The following IRGC variants were observed in gnomAD, a reference collection of about 807,000 sequenced individuals.
IRGC encodes interferon-inducible GTPase 5.
IRGC carries 4 observed loss-of-function variants against 16.1 expected under a neutral mutation model. That is an observed-to-expected ratio of 0.25 (90% CI 0.12 to 0.57). IRGC has a LOEUF of 0.57. Among genes scored for constraint, IRGC ranks in the 20% least tolerant of loss-of-function variants. The pLI, the probability that IRGC is intolerant of heterozygous loss-of-function variation, is 0.92. For missense variants in IRGC, 570 were observed against 643.9 expected (o/e 0.89, Z 1.24); for synonymous variants, 307 against 299.5 (o/e 1.03, Z -0.26).
chr19:43,718,998 C>T lies in IRGC; in HGVS notation c.440C>T (p.Ala147Val), dbSNP rs1410904110. The stretch of plus-strand genomic sequence containing the variant: ...CTGGTCTCCCCCCGCCGCTGCGGGG[C>T]CGTCGAGACCCGCCTGGCCGCTGAG... ...FLLVSPRRCGAVETRLAAEIL... is the reference protein window; with the variant it reads ...FLLVSPRRCGVVETRLAAEIL... Residue 147 changes from alanine to valine, a missense_variant, in exon 2 of 2, where the codon GCC (alanine) becomes GTC (valine). Coordinates refer to ENST00000244314, the MANE Select transcript of IRGC (RefSeq NM_019612.4). The T allele has an allele frequency of 6.2e-7, 1 of 1,612,196 alleles. No homozygotes were observed. Among genetic ancestry groups the T allele is most frequent in the Admixed American group, 1.7e-5 (1 of 59,890 alleles).
chr19:43,716,369 C>T (rs28674603), intron 1 of IRGC, among the ~76,000 whole-genome samples: 29 of 148,070 alleles, frequency 2.0e-4, no homozygotes, highest in African/African-American at 7.1e-4. Context: ...TTTTTTTTTC[C>T]TTTTTTTTTT....
chr19:43,718,548 C>A lies in IRGC; in HGVS notation c.-11C>A. The A allele has an allele frequency of 6.4e-7, 1 of 1,556,800 alleles. No homozygotes were observed. The highest frequency in any genetic ancestry group is 1.2e-5 in the South Asian group (1 of 81,996). Reference sequence around the variant, plus strand: ...CCCTGTCCCCCGCCACCCTCTGAACCACTGGCCACCATGGCTACTTCAAAG... The same window carrying A: ...CCCTGTCCCCCGCCACCCTCTGAACAACTGGCCACCATGGCTACTTCAAAG... On this transcript the variant is annotated 5_prime_UTR_variant, in exon 2 of 2. Coordinates refer to ENST00000244314, the MANE Select transcript of IRGC (RefSeq NM_019612.4).
rs1488512471 is a variant in IRGC at position 43,718,878 on chromosome 19, T to C, written c.320T>C (p.Val107Ala). 6.2e-7 allele frequency: 1 copy of C among 1,613,226 alleles called. No individual in the cohort carries two copies. Among genetic ancestry groups the C allele is most frequent in the Non-Finnish European group, 8.5e-7 (1 of 1,179,974 alleles). ...TATCCACACCCACAGTTCCCTGACG[T>C]GACCCTCTGGGACCTGCCAGGAGCC... ...SPYPHPQFPD[V>A]TLWDLPGAGS... Residue 107 changes from valine (V) to alanine (A), a missense_variant, in exon 2 of 2, where the codon GTG becomes GCG. By Grantham distance (64) the Val-to-Ala change is moderately conservative. Transcript: ENST00000244314.
At chr19:43,716,494 C>T (rs573822128) in intron 1 of IRGC, among the ~76,000 whole-genome samples, 1 of 152,192 alleles carries the variant, frequency 6.6e-6, no homozygotes, top group East Asian at 1.9e-4. Flanking sequence ...TGCGCCACAA[C>T]ACCTGGCTAA....
Position 43,718,903 on chromosome 19 carries a change from C to T in IRGC, c.345C>T (p.Ala115=), listed in dbSNP as rs749293190. The change falls in exon 2 of 2, where the codon GCC becomes GCT. Residue 115 remains alanine (A), a synonymous_variant. Coordinates refer to ENST00000244314, the MANE Select transcript of IRGC (RefSeq NM_019612.4). ...TGACCCTCTGGGACCTGCCAGGAGC[C>T]GGCTCTCCAGGCTGCCCGGCTGACA... ...PDVTLWDLPG[A]GSPGCPADKY... is the part of the protein sequence containing the mutation. 11 of 1,613,076 alleles carry T rather than the reference C, an allele frequency of 6.8e-6. No homozygotes were observed. The highest frequency in any genetic ancestry group is 3.3e-5 in the Admixed American group (2 of 59,976).
chr19:43,716,414 GAGTGC>G (rs1968170801), intron 1 of IRGC, among the ~76,000 whole-genome samples: 1 of 151,956 alleles, frequency 6.6e-6, no homozygotes, highest in Non-Finnish European at 1.5e-5. Flanking sequence ...GCCCAGGCTG[GAGTGC>G]AGTGGTGCAA....
At chr19:43,717,232 G>T (rs1367411724) in intron 1 of IRGC, among the ~76,000 whole-genome samples, 2 of 152,206 alleles carry the variant, frequency 1.3e-5, no homozygotes, top group Non-Finnish European at 2.9e-5. Context: ...AACGGGGTTT[G>T]TGGGCATCAC....
chr19:43,719,984 A>G lies in IRGC; in HGVS notation c.*34A>G, dbSNP rs1968249571. 1 of 1,606,062 alleles carries G rather than the reference A, an allele frequency of 6.2e-7. No homozygotes were observed. Among genetic ancestry groups the G allele is most frequent in the Non-Finnish European group, 8.5e-7 (1 of 1,177,006 alleles). ...GCCCCGCCCCCCTGCCTCACCCACA[A>G]ACTAAGTCTTAACAAAATCCAAATT... On this transcript the variant is annotated 3_prime_UTR_variant, in exon 2 of 2. Transcript: ENST00000244314.
chr19:43,719,916 A>C lies in IRGC; in HGVS notation c.1358A>C (p.Asp453Ala), dbSNP rs146686366. The change falls in exon 2 of 2, where the codon GAC (aspartate) becomes GCC (alanine). Residue 453 changes from aspartate (D) to alanine (A), a missense_variant. By Grantham distance (126) the Asp-to-Ala change is moderately radical (BLOSUM62 -2). Transcript: ENST00000244314. Reference protein sequence around the residue: ...KLGLLLKYILDSWKKHDSEEK With the variant: ...KLGLLLKYILASWKKHDSEEK ...GGCCTCCTTCTTAAGTACATTCTGG[A>C]CAGCTGGAAGAAACACGACTCAGAA... The C allele has an allele frequency of 3.1e-6, 5 of 1,613,570 alleles. No individual in the cohort carries two copies. The highest frequency in any genetic ancestry group is 4.2e-6 in the Non-Finnish European group (5 of 1,180,006).
chr19:43,717,253 C>T (rs149393518), intron 1 of IRGC, among the ~76,000 whole-genome samples: 18 of 152,262 alleles, frequency 1.2e-4, no homozygotes, highest in Admixed American at 2.0e-4. Flanking sequence ...AGCAGCCCTG[C>T]GAGGTGGGGA....
In IRGC at chr19:43,719,838, G is replaced by T. The variant is rs200254217; in HGVS notation, c.1280G>T (p.Gly427Val). 1 of 1,614,024 alleles carries T rather than the reference G, an allele frequency of 6.2e-7. No individual in the cohort carries two copies. Residue 427 changes from glycine (G) to valine (V), a missense_variant, in exon 2 of 2, where the codon GGC (glycine) becomes GTC (valine). Transcript: ENST00000244314. ...VASDNGVEKGGSGEGGGEEAP... is the reference protein window; with the variant it reads ...VASDNGVEKGVSGEGGGEEAP... ...AGTGACAATGGCGTGGAAAAGGGGGGCTCCGGGGAGGGAGGTGGGGAGGAA... is the reference window on the plus strand; with the variant it reads ...AGTGACAATGGCGTGGAAAAGGGGGTCTCCGGGGAGGGAGGTGGGGAGGAA...
chr19:43,717,113 T>C (rs8104645), intron 1 of IRGC, among the ~76,000 whole-genome samples: 12,367 of 151,714 alleles, frequency 0.082, 587 homozygotes, highest in Non-Finnish European at 0.11. Flanking sequence ...AGGGCTGCCA[T>C]GGCAGGGGTG....
rs142781236 is a variant in IRGC at position 43,719,743 on chromosome 19, C to T, written c.1185C>T (p.Asp395=). The change falls in exon 2 of 2, where the codon GAC becomes GAT. Residue 395 remains aspartate (D), a synonymous_variant. Coordinates refer to ENST00000244314, the MANE Select transcript of IRGC (RefSeq NM_019612.4). ...GCTGCCTCAACGAGATGGCTGAGGACGCCCAGCGTGTCCGCATCAAGGCCC... is the reference window on the plus strand; with the variant it reads ...GCTGCCTCAACGAGATGGCTGAGGATGCCCAGCGTGTCCGCATCAAGGCCC... ...LQGCLNEMAE[D]AQRVRIKALE... The T allele has an allele frequency of 7.5e-5, 121 of 1,613,556 alleles. No individual in the cohort carries two copies. In the African/African-American group the frequency reaches 8.1e-4, roughly 11 times the overall value.
Position 43,719,777 on chromosome 19 carries a change from G to A in IRGC, c.1219G>A (p.Asp407Asn), listed in dbSNP as rs1485580293. 1.9e-6 allele frequency: 3 copies of A among 1,613,844 alleles called. No individual in the cohort carries two copies. Among genetic ancestry groups the A allele is most frequent in the South Asian group, 1.1e-5 (1 of 91,072 alleles). Residue 407 changes from aspartate (D) to asparagine (N), a missense_variant, in exon 2 of 2, where the codon GAC (aspartate) becomes AAC (asparagine). Asp to Asn is a conservative substitution (Grantham distance 23). Coordinates refer to ENST00000244314, the MANE Select transcript of IRGC (RefSeq NM_019612.4). ...TGTCCGCATCAAGGCCCTGGAGGATGACGAGCCGCAGCCGGAGGTCAGCTT... is the reference window on the plus strand; with the variant it reads ...TGTCCGCATCAAGGCCCTGGAGGATAACGAGCCGCAGCCGGAGGTCAGCTT... Reference protein sequence around the residue: ...QRVRIKALEDDEPQPEVSLEV... With the variant: ...QRVRIKALEDNEPQPEVSLEV...
Position 43,719,682 on chromosome 19 carries a change from G to C in IRGC, c.1124G>C (p.Gly375Ala), listed in dbSNP as rs748078148. 1 of 1,610,840 alleles carries C rather than the reference G, an allele frequency of 6.2e-7. No individual in the cohort carries two copies. Among genetic ancestry groups the C allele is most frequent in the Non-Finnish European group, 8.5e-7 (1 of 1,179,848 alleles). Residue 375 changes from glycine to alanine, a missense_variant, in exon 2 of 2, where the codon GGC (glycine) becomes GCC (alanine). Gly to Ala is a moderately conservative substitution (Grantham distance 60, BLOSUM62 0). Transcript: ENST00000244314. Reference sequence around the variant, plus strand: ...GTGTTTGGGACGCTGGTGGCTGGCGGCATCAGCTTTGGCGCTGTCTACACC... The same window carrying C: ...GTGTTTGGGACGCTGGTGGCTGGCGCCATCAGCTTTGGCGCTGTCTACACC... ...IPVFGTLVAG[G>A]ISFGAVYTML...
At position 43,718,849 on chromosome 19, in the gene IRGC, G is replaced by A. The variant is rs11555892; in HGVS notation, c.291G>A (p.Ser97=). 345 of 1,613,062 alleles carry A rather than the reference G, an allele frequency of 2.1e-4. No individual in the cohort carries two copies. Among genetic ancestry groups the A allele is most frequent in the Non-Finnish European group, 2.8e-4 (333 of 1,179,958 alleles). ...TGVMETTMQP[S]PYPHPQFPDV... ...TCATGGAGACCACGATGCAACCGTC[G>A]CCCTATCCACACCCACAGTTCCCTG... Residue 97 remains serine (S), a synonymous_variant, in exon 2 of 2, where the codon TCG becomes TCA. Transcript: ENST00000244314.
Position 43,718,886 on chromosome 19 carries a change from T to TG in IRGC, c.331dup (p.Asp111GlyfsTer13). The TG allele has an allele frequency of 6.2e-7, 1 of 1,613,252 alleles. No individual in the cohort carries two copies. Among genetic ancestry groups the TG allele is most frequent in the Non-Finnish European group, 8.5e-7 (1 of 1,179,960 alleles). On this transcript the variant is annotated frameshift_variant, in exon 2 of 2. Transcript: ENST00000244314. LOFTEE classifies it high-confidence loss of function. ...CCCACAGTTCCCTGACGTGACCCTCTGGGACCTGCCAGGAGCCGGCTCTCC... is the reference window on the plus strand; with the variant it reads ...CCCACAGTTCCCTGACGTGACCCTCTGGGGACCTGCCAGGAGCCGGCTCTCC...
Position 43,717,430 on chromosome 19 carries a change from A to C in IRGC, c.-66-1063A>C, listed in dbSNP as rs115378625. Among the ~76,000 whole-genome samples, 1,156 of 152,346 alleles carry C rather than the reference A, an allele frequency of 7.6e-3. 6 individuals are homozygous for C. Among genetic ancestry groups the C allele is most frequent in the African/African-American group, 0.027 (1,103 of 41,572 alleles). On this transcript the variant is annotated intron_variant, in intron 1 of 1. Transcript: ENST00000244314. ...GCCGTTTTATGGGCTGCTTTATGTC[A>C]TAACTCATTCAAGTCACAGAGATCC... is the stretch of plus-strand genomic sequence containing the variant.
Position 43,719,658 on chromosome 19 carries a change from TGTTTGGGACGCTGGTG to T in IRGC, c.1102_1117del (p.Phe368LeufsTer107). The T allele has an allele frequency of 6.2e-7, 1 of 1,608,744 alleles. No homozygotes were observed. The highest frequency in any genetic ancestry group is 8.5e-7 in the Non-Finnish European group (1 of 1,179,940). ...CGCGCCTTTGAGAGGGGCATCCCTG[TGTTTGGGACGCTGGTG>T]GCTGGCGGCATCAGCTTTGGCGCTG... On this transcript the variant is annotated frameshift_variant, in exon 2 of 2. Transcript: ENST00000244314. LOFTEE classifies it high-confidence loss of function.
Sources: gnomAD v4.1 joint callset for allele counts (sites outside exome capture counted in the v4.1 genomes callset) on GRCh38, gnomAD v4.1.1 for gene constraint, MANE v1.5 for transcripts, NCBI Gene and HGNC (gene_info 2026-07-23, HGNC 2026-07-21) for gene names.